The following CSNK1G1 variants were observed in gnomAD, a reference collection of about 807,000 sequenced individuals.
The protein encoded by CSNK1G1 is casein kinase 1 gamma 1.
A neutral mutation model predicts 59.6 loss-of-function variants in CSNK1G1; 22 were observed. The observed-to-expected ratio is 0.37, with a 90% CI of 0.26 to 0.53. The LOEUF (loss-of-function observed/expected upper bound fraction) is 0.53. Among genes scored for constraint, CSNK1G1 ranks in the 20% least tolerant of loss-of-function variants. CSNK1G1 has a pLI of 0.89. For synonymous variants in CSNK1G1, 179 were observed against 177.1 expected, an observed-to-expected ratio of 1.01 and a Z score of -0.08; for missense variants, 384 against 519.5, an observed-to-expected ratio of 0.74 and a Z score of 2.54.
chr15:64,262,895 A>G (rs1892769513), intron 2 of CSNK1G1, among the ~76,000 whole-genome samples: 1 of 152,026 alleles, frequency 6.6e-6, no homozygotes, highest in African/African-American at 2.4e-5. Context: ...CCTGACCAAC[A>G]TGGAGAAACC....
intron 1 of CSNK1G1, among the ~76,000 whole-genome samples, chr15:64,314,787 C>T (rs1416781616): frequency 1.3e-5 from 2 of 152,106 alleles, no homozygotes; most frequent in African/African-American, 4.8e-5. Context: ...CCAGTTCCAT[C>T]CAAGTTGCCA....
At chr15:64,186,958 A>G (rs2081904805) in intron 10 of CSNK1G1, among the ~76,000 whole-genome samples, 2 of 146,390 alleles carry the variant, frequency 1.4e-5, no homozygotes, top group East Asian at 2.1e-4. Flanking sequence ...GAGTAGCTGG[A>G]ACTATAGGCA....
Position 64,294,772 on chromosome 15 carries a change from C to T in CSNK1G1, c.181+5547G>A, listed in dbSNP as rs532288843. ...CAAAAAATACAAAAAATTAGCTGGG[C>T]GTTGTGGCAGGTGCCTGTAATCCCA... On this transcript the variant is annotated intron_variant, in intron 2 of 11. Transcript: ENST00000303052. 4.6e-5 allele frequency among the ~76,000 whole-genome samples: 7 copies of T among 150,708 alleles called. No individual in the cohort carries two copies. In the East Asian group the frequency reaches 6.0e-4, roughly 13 times the overall value.
At chr15:64,244,079 G>T (rs1891622723) in intron 4 of CSNK1G1, among the ~76,000 whole-genome samples, 1 of 151,686 alleles carries the variant, frequency 6.6e-6, no homozygotes, top group South Asian at 2.1e-4. Context: ...TGAGGCAGGA[G>T]AATTGCTTGA....
intron 6 of CSNK1G1, among the ~76,000 whole-genome samples, chr15:64,211,041 C>T (rs2082243633): frequency 6.6e-6 from 1 of 152,170 alleles, no homozygotes; most frequent in Admixed American, 6.5e-5. Flanking sequence ...GATGCCAGTG[C>T]CATGCTTCTT....
At chr15:64,184,108 CCTGA>C (rs900893879) in intron 10 of CSNK1G1, among the ~76,000 whole-genome samples, 31 of 151,746 alleles carry the variant, frequency 2.0e-4, no homozygotes, top group African/African-American at 7.5e-4. Context: ...TTAAGACCAT[CCTGA>C]CTAACACGGT....
intron 2 of CSNK1G1, among the ~76,000 whole-genome samples, chr15:64,279,516 T>C (rs1262481781): frequency 6.6e-6 from 1 of 152,240 alleles, no homozygotes; most frequent in Non-Finnish European, 1.5e-5. Context: ...CACAATTTAT[T>C]TATCTGTCCT....
At chr15:64,300,157 A>G (rs1364577598) in intron 2 of CSNK1G1, among the ~76,000 whole-genome samples, 162 bp downstream of exon 2, 1 of 152,226 alleles carries the variant, frequency 6.6e-6, no homozygotes, top group African/African-American at 2.4e-5. Flanking sequence ...ATAACAAATA[A>G]TTGATAATGA....
chr15:64,248,767 G>A (rs541017942), intron 4 of CSNK1G1, among the ~76,000 whole-genome samples: 6 of 152,180 alleles, frequency 3.9e-5, no homozygotes, highest in African/African-American at 1.2e-4. Flanking sequence ...GGCAGATCAC[G>A]AGGTCAGGAG....
At chr15:64,224,285 T>C (rs8034754) in intron 4 of CSNK1G1, among the ~76,000 whole-genome samples, 33,889 of 152,134 alleles carry the variant, frequency 0.22, 5,601 homozygotes, top group East Asian at 0.8. Context: ...TGCTCTGTAA[T>C]GTTTCTGAGG....
At chr15:64,292,245 A>G (rs1188842048) in intron 2 of CSNK1G1, among the ~76,000 whole-genome samples, 1 of 152,102 alleles carries the variant, frequency 6.6e-6, no homozygotes, top group African/African-American at 2.4e-5. Context: ...TTAAGTTCAC[A>G]AGTGACAGTT....
intron 4 of CSNK1G1, among the ~76,000 whole-genome samples, chr15:64,250,246 T>C (rs181364514): frequency 1.2e-4 from 18 of 152,274 alleles, no homozygotes; most frequent in Admixed American, 1.2e-3. Flanking sequence ...AACAAATATA[T>C]ACTGAGAGGC....
intron 10 of CSNK1G1, among the ~76,000 whole-genome samples, chr15:64,185,338 G>A (rs965470503): frequency 3.9e-5 from 6 of 152,206 alleles, no homozygotes; most frequent in African/African-American, 1.4e-4. Context: ...GTTGTGTTAG[G>A]AAAGTATTGT....
At chr15:64,223,234 T>C (rs1421642824) in intron 4 of CSNK1G1, among the ~76,000 whole-genome samples, 1 of 148,994 alleles carries the variant, frequency 6.7e-6, no homozygotes, top group Non-Finnish European at 1.5e-5. Context: ...TGCATTTAAA[T>C]GAAAAAAAAA....
intron 2 of CSNK1G1, among the ~76,000 whole-genome samples, chr15:64,264,233 A>G (rs1176317649): frequency 6.6e-6 from 1 of 152,240 alleles, no homozygotes; most frequent in Non-Finnish European, 1.5e-5. Context: ...TTTTTACAAT[A>G]TTAATCTGAC....
chr15:64,237,659 A>C (rs1446424054), intron 4 of CSNK1G1, among the ~76,000 whole-genome samples: 1 of 152,172 alleles, frequency 6.6e-6, no homozygotes, highest in Non-Finnish European at 1.5e-5. Flanking sequence ...TGTACTCCTA[A>C]GGATGTTCAC....
chr15:64,293,061 T>A (rs1414963594), intron 2 of CSNK1G1, among the ~76,000 whole-genome samples: 2 of 152,234 alleles, frequency 1.3e-5, no homozygotes, highest in African/African-American at 4.8e-5. Flanking sequence ...AATGTTTACA[T>A]GATTCTTTCC....
intron 2 of CSNK1G1, among the ~76,000 whole-genome samples, chr15:64,275,765 A>T (rs539068468): frequency 4.8e-4 from 73 of 152,308 alleles, no homozygotes; most frequent in Admixed American, 1.1e-3. Flanking sequence ...AAAATATATA[A>T]AATAAAAAGT....
intron 1 of CSNK1G1, among the ~76,000 whole-genome samples, chr15:64,322,237 A>G (rs904741107): frequency 9.9e-5 from 15 of 152,130 alleles, no homozygotes; most frequent in Admixed American, 6.5e-5. Context: ...AATACCCACA[A>G]AGCAATTTGG....
Sources: allele counts gnomAD v4.1 joint callset (sites outside exome capture counted in the v4.1 genomes callset), GRCh38; gene constraint gnomAD v4.1.1; transcripts MANE v1.5; gene names NCBI Gene and HGNC (gene_info 2026-07-23, HGNC 2026-07-21).